MAP3K7CL: variants seen among roughly 807,000 people sequenced by gnomAD.
MAP3K7CL encodes MAP3K7 C-terminal-like protein.
A neutral mutation model predicts 18.6 loss-of-function variants in MAP3K7CL; 16 were observed. The observed-to-expected ratio is 0.86, with a 90% CI of 0.58 to 1.31. The LOEUF (loss-of-function observed/expected upper bound fraction) is 1.31. Ranked by LOEUF, MAP3K7CL falls within the 50% of genes most tolerant of loss-of-function variation. The pLI is 0.00. For synonymous variants in MAP3K7CL, 65 were observed against 66.8 expected (o/e 0.97, Z 0.13); for missense variants, 163 against 174.4 (o/e 0.93, Z 0.37).
At chr21:29,141,575 A>G (rs2087010082) in intron 2 of MAP3K7CL, among the ~76,000 whole-genome samples, 2 of 151,780 alleles carry the variant, frequency 1.3e-5, no homozygotes. Flanking sequence ...TTTTTTGCAT[A>G]GCAAAACCAG....
intron 3 of MAP3K7CL, among the ~76,000 whole-genome samples, chr21:29,149,924 A>T (rs926394123): frequency 8.5e-5 from 13 of 152,244 alleles, no homozygotes; most frequent in African/African-American, 3.1e-4. Flanking sequence ...AAATACCAGG[A>T]TACTGGCCTT....
intron 4 of MAP3K7CL, among the ~76,000 whole-genome samples, chr21:29,173,116 A>G (rs1380176047): frequency 1.3e-5 from 2 of 152,160 alleles, no homozygotes; most frequent in Admixed American, 1.3e-4. Flanking sequence ...ACTGTTTCCT[A>G]GGAACACAAC....
chr21:29,123,215 A>T (rs1389888442), intron 4 of MAP3K7CL, among the ~76,000 whole-genome samples: 2 of 151,852 alleles, frequency 1.3e-5, no homozygotes, highest in African/African-American at 4.8e-5. Context: ...GGTGCCCACC[A>T]CCAGGCCTGG....
At chr21:29,108,239 G>A (rs1232747374) in intron 4 of MAP3K7CL, among the ~76,000 whole-genome samples, 1 of 152,144 alleles carries the variant, frequency 6.6e-6, no homozygotes, top group Non-Finnish European at 1.5e-5. Flanking sequence ...TATAAGAAGA[G>A]ATACCAGATA....
intron 4 of MAP3K7CL, chr21:29,092,729 T>C: frequency 1.2e-6 from 1 of 801,864 alleles, no homozygotes; most frequent in Non-Finnish European, 1.9e-6. Context: ...GTGCTGGGTG[T>C]TCTTCTATCT....
chr21:29,106,510 G>T (rs1217572170), intron 4 of MAP3K7CL, among the ~76,000 whole-genome samples: 1 of 152,188 alleles, frequency 6.6e-6, no homozygotes, highest in South Asian at 2.1e-4. Context: ...GGCTTGGAGA[G>T]CATTGCTGAG....
At chr21:29,140,762 A>G (rs999016303) in intron 2 of MAP3K7CL, among the ~76,000 whole-genome samples, 8 of 152,174 alleles carry the variant, frequency 5.3e-5, no homozygotes, top group Non-Finnish European at 7.3e-5. Flanking sequence ...ATATACTTCC[A>G]ATAGGCTCTT....
At chr21:29,124,819 A>G (rs1344027784) in intron 4 of MAP3K7CL, among the ~76,000 whole-genome samples, 1 of 152,262 alleles carries the variant, frequency 6.6e-6, no homozygotes, top group Non-Finnish European at 1.5e-5. Flanking sequence ...GTTTTTGTAA[A>G]TAAAGTTTTA....
At chr21:29,143,615 G>C (rs575148213) in intron 2 of MAP3K7CL, among the ~76,000 whole-genome samples, 1 of 152,024 alleles carries the variant, frequency 6.6e-6, no homozygotes, top group African/African-American at 2.4e-5. Context: ...TAGAGACTGG[G>C]TTTCTCCATA....
At chr21:29,099,333 G>C (rs1475477846) in intron 4 of MAP3K7CL, among the ~76,000 whole-genome samples, 1 of 142,380 alleles carries the variant, frequency 7.0e-6, no homozygotes, top group Non-Finnish European at 1.5e-5. Flanking sequence ...TTGAACTTCC[G>C]GGTTCAAGCC....
chr21:29,152,399 C>T (rs965792486), intron 3 of MAP3K7CL, among the ~76,000 whole-genome samples: 7 of 152,128 alleles, frequency 4.6e-5, no homozygotes, highest in Non-Finnish European at 8.8e-5. Flanking sequence ...CAGAGCAGGC[C>T]ATCTTTATAG....
upstream of MAP3K7CL, among the ~76,000 whole-genome samples, chr21:29,084,717 C>T (rs577496453): frequency 1.3e-5 from 2 of 152,148 alleles, no homozygotes; most frequent in African/African-American, 2.4e-5. Flanking sequence ...AATGCACCAT[C>T]GAGGTGAAAG....
intron 4 of MAP3K7CL, chr21:29,108,919 A>T: frequency 1.1e-6 from 1 of 880,060 alleles, no homozygotes; most frequent in Non-Finnish European, 1.7e-6. Context: ...TGTGAAAATT[A>T]GTCAAAATGA....
At chr21:29,115,698 T>A (rs995931870) in intron 4 of MAP3K7CL, among the ~76,000 whole-genome samples, 9 of 152,158 alleles carry the variant, frequency 5.9e-5, no homozygotes, top group African/African-American at 2.2e-4. Flanking sequence ...CTCAATGAAA[T>A]GAAAATGCTG....
At chr21:29,109,151 C>T (rs750242641) in intron 4 of MAP3K7CL, 4 of 1,535,412 alleles carry the variant, frequency 2.6e-6, no homozygotes, top group Middle Eastern at 3.3e-4. Flanking sequence ...TCTTCCTCTT[C>T]CCTAACGCCC....
chr21:29,128,191 TA>T (rs1238498042), upstream of MAP3K7CL: 4 of 152,236 alleles, frequency 2.6e-5, no homozygotes, highest in African/African-American at 9.6e-5. Context: ...GGTGTCATGA[TA>T]AAGATGGCTA....
At chr21:29,150,816 C>T (rs1331670167) in intron 3 of MAP3K7CL, among the ~76,000 whole-genome samples, 1 of 144,692 alleles carries the variant, frequency 6.9e-6, no homozygotes, top group East Asian at 2.0e-4. Flanking sequence ...GTCACCCAGG[C>T]TGGAGTGCAG....
chr21:29,136,591 A>G (rs1244124908), intron 2 of MAP3K7CL, among the ~76,000 whole-genome samples: 1 of 151,296 alleles, frequency 6.6e-6, no homozygotes, highest in Non-Finnish European at 1.5e-5. Flanking sequence ...GTGGTGCAAT[A>G]TTGGCTCACC....
chr21:29,113,822 C>A (rs777163779), intron 4 of MAP3K7CL, among the ~76,000 whole-genome samples: 1 of 152,136 alleles, frequency 6.6e-6, no homozygotes, highest in Non-Finnish European at 1.5e-5. Flanking sequence ...TGAGCCACCA[C>A]GCCCGGCCAT....
Sources: gnomAD v4.1 joint callset for allele counts (sites outside exome capture counted in the v4.1 genomes callset) on GRCh38, gnomAD v4.1.1 for gene constraint, MANE v1.5 for transcripts, NCBI Gene and HGNC (gene_info 2026-07-23, HGNC 2026-07-21) for gene names.